Variants in GTF2I observed in about 807,000 individuals in gnomAD.
GTF2I encodes general transcription factor II-I.
In GTF2I, 12 loss-of-function variants were observed where a neutral mutation model predicts 67.6. The ratio of observed to expected loss-of-function variants is 0.18; its 90% CI spans 0.11 to 0.29. GTF2I has a LOEUF of 0.29. Among genes scored for constraint, GTF2I ranks in the 10% least tolerant of loss-of-function variants. The pLI is 1.00. For synonymous variants in GTF2I, 149 were observed against 197.0 expected, an observed-to-expected ratio of 0.76 and a Z score of 2.04; for missense variants, 271 against 580.1, an observed-to-expected ratio of 0.47 and a Z score of 5.47.
intron 6 of GTF2I, among the ~76,000 whole-genome samples, chr7:74,703,275 C>T (rs2131354743): frequency 6.6e-6 from 1 of 152,140 alleles, no homozygotes; most frequent in South Asian, 2.1e-4. Context: ...TCTAATAAAT[C>T]TACATTATCC....
intron 1 of GTF2I, among the ~76,000 whole-genome samples, chr7:74,659,301 C>G (rs1427185949): frequency 6.6e-6 from 1 of 152,036 alleles, no homozygotes; most frequent in Non-Finnish European, 1.5e-5. Context: ...AATCATAGCA[C>G]ATTGCAGCCT....
chr7:74,699,530 C>T (rs1584184600), intron 4 of GTF2I: 1 of 152,746 alleles, frequency 6.5e-6, no homozygotes, highest in Admixed American at 6.5e-5. Context: ...CTCCTGATCT[C>T]AGGTGATCCA....
At chr7:74,700,775 A>G in intron 6 of GTF2I, 141 bp downstream of exon 6, 1 of 856,896 alleles carries the variant, frequency 1.2e-6, no homozygotes, top group East Asian at 2.4e-5. Context: ...TGTTTATATA[A>G]TCCACAAAAG....
chr7:74,661,107 G>A (rs1184199793), intron 1 of GTF2I, among the ~76,000 whole-genome samples: 9 of 152,184 alleles, frequency 5.9e-5, no homozygotes, highest in African/African-American at 1.9e-4. Context: ...CCTAGCACAT[G>A]AACCTGGCCA....
chr7:74,683,986 G>T (rs2066757941), intron 1 of GTF2I, among the ~76,000 whole-genome samples: 1 of 151,936 alleles, frequency 6.6e-6, no homozygotes, highest in South Asian at 2.1e-4. Context: ...AGACCTCTGA[G>T]TTTTGATGTG....
At chr7:74,674,836 TATGC>T (rs1805756288) in intron 1 of GTF2I, among the ~76,000 whole-genome samples, 1 of 137,862 alleles carries the variant, frequency 7.3e-6, no homozygotes. Flanking sequence ...CATGAGCCAC[TATGC>T]CCAGCCCTCT....
intron 1 of GTF2I, among the ~76,000 whole-genome samples, chr7:74,684,028 G>A (rs1787484630): frequency 6.6e-6 from 1 of 151,950 alleles, no homozygotes; most frequent in Admixed American, 6.6e-5. Context: ...ATATCCTTGT[G>A]ATTTGTGGTT....
intron 1 of GTF2I, among the ~76,000 whole-genome samples, chr7:74,660,621 C>CTTTTTTTTT (rs35605839): frequency 8.0e-6 from 1 of 124,548 alleles, no homozygotes; most frequent in Non-Finnish European, 1.6e-5. Context: ...CTTTTCTTTT[C>CTTTTTTTTT]TTTTTTTTTT....
chr7:74,693,312 G>C (rs117070686), intron 3 of GTF2I, among the ~76,000 whole-genome samples: 1 of 120,696 alleles, frequency 8.3e-6, no homozygotes, highest in Admixed American at 1.1e-4. Flanking sequence ...GGTTTGCTCC[G>C]TCACCCTGGC....
intron 1 of GTF2I, among the ~76,000 whole-genome samples, chr7:74,669,374 G>A (rs587667056): frequency 6.6e-6 from 1 of 151,538 alleles, no homozygotes; most frequent in East Asian, 2.0e-4. Context: ...GATTACAGGC[G>A]TGCACCACAA....
intron 1 of GTF2I, among the ~76,000 whole-genome samples, chr7:74,669,436 G>C (rs1281266766): frequency 6.6e-6 from 1 of 151,800 alleles, no homozygotes; most frequent in Non-Finnish European, 1.5e-5. Flanking sequence ...TCATCATGTT[G>C]GCCAGGCTGG....
intron 1 of GTF2I, among the ~76,000 whole-genome samples, chr7:74,672,315 G>GAT (rs1398639547): frequency 6.6e-6 from 1 of 151,968 alleles, no homozygotes; most frequent in South Asian, 2.1e-4. Context: ...GAGGCGTGCA[G>GAT]ATATTGCCTG....
intron 3 of GTF2I, among the ~76,000 whole-genome samples, chr7:74,697,413 A>G (rs1294737295): frequency 1.3e-5 from 2 of 152,058 alleles, no homozygotes; most frequent in African/African-American, 4.8e-5. Flanking sequence ...AAAATTATTA[A>G]TGGGATATTT....
chr7:74,683,175 T>C (rs1326442602), intron 1 of GTF2I, among the ~76,000 whole-genome samples: 2 of 151,872 alleles, frequency 1.3e-5, no homozygotes, highest in South Asian at 4.2e-4. Flanking sequence ...GACATATGTT[T>C]AATAAAAATA....
chr7:74,679,828 C>T (rs782786903), intron 1 of GTF2I, among the ~76,000 whole-genome samples: 10 of 151,970 alleles, frequency 6.6e-5, no homozygotes, highest in Admixed American at 3.3e-4. Flanking sequence ...CGCCTGTAAT[C>T]CCAGCCCTTT....
In GTF2I at chr7:74,700,278, T is replaced by C. The variant is rs782745853; in HGVS notation, c.405T>C (p.Pro135=). The part of the protein sequence containing the change: ...GKALGKSTVV[P]VPYEKMLRDQ... Reference sequence around the variant, plus strand: ...CTTTAGGCAAATCCACAGTGGTACCTGTACCATATGAGAAGATGCTGCGAG... The same window carrying C: ...CTTTAGGCAAATCCACAGTGGTACCCGTACCATATGAGAAGATGCTGCGAG... The change falls in exon 5 of 35, where the codon CCT becomes CCC. Residue 135 remains proline (P), a synonymous_variant. Transcript: ENST00000573035. The C allele has an allele frequency of 8.7e-6, 14 of 1,614,076 alleles. No individual in the cohort carries two copies. The East Asian group carries it at 1.8e-4, about 21-fold the overall frequency.
intron 1 of GTF2I, among the ~76,000 whole-genome samples, chr7:74,680,099 A>AAAAAAAAAAAT: frequency 1.1e-5 from 1 of 95,002 alleles, no homozygotes; most frequent in African/African-American, 4.0e-5. Flanking sequence ...AAAAAAAAAA[A>AAAAAAAAAAAT]ATATATATAT....
chr7:74,722,314 G>A (rs1308569011), intron 12 of GTF2I, among the ~76,000 whole-genome samples: 1 of 152,110 alleles, frequency 6.6e-6, no homozygotes, highest in African/African-American at 2.4e-5. Flanking sequence ...TTGGGAAATC[G>A]GCCTTGGACT....
intron 1 of GTF2I, among the ~76,000 whole-genome samples, chr7:74,665,191 C>T (rs1405205274): frequency 6.6e-6 from 1 of 151,936 alleles, no homozygotes; most frequent in East Asian, 1.9e-4. Context: ...ATCCACCCGC[C>T]TCGGCCTCCC....
Sources: gnomAD v4.1 joint callset for allele counts (sites outside exome capture counted in the v4.1 genomes callset) on GRCh38, gnomAD v4.1.1 for gene constraint, MANE v1.5 for transcripts, NCBI Gene and HGNC (gene_info 2026-07-23, HGNC 2026-07-21) for gene names.